PCDHA2: variants seen among roughly 807,000 people sequenced by gnomAD.
PCDHA2 encodes protocadherin alpha 2.
In PCDHA2, 58 loss-of-function variants were observed where a neutral mutation model predicts 66.0. The ratio of observed to expected loss-of-function variants is 0.88; its 90% CI spans 0.71 to 1.09. PCDHA2 has a LOEUF of 1.09. Ranked by LOEUF, PCDHA2 falls within the 50% of genes least tolerant of loss-of-function variation. PCDHA2 has a pLI of 0.00. For synonymous variants in PCDHA2, 634 were observed against 554.0 expected (o/e 1.14, Z -2.03); for missense variants, 1,267 against 1,242.3 (o/e 1.02, Z -0.30).
At chr5:140,915,626 G>GTCTCTCTCTCTCTC (rs57920489) in intron 1 of PCDHA2, among the ~76,000 whole-genome samples, 21 of 146,534 alleles carry the variant, frequency 1.4e-4, no homozygotes, top group African/African-American at 5.0e-4. Context: ...GTCTCTTTCT[G>GTCTCTCTCTCTCTC]TCTCTCTCTC....
At chr5:140,876,819 C>T in intron 1 of PCDHA2, 1 of 1,614,180 alleles carries the variant, frequency 6.2e-7, no homozygotes, top group Admixed American at 1.7e-5. Flanking sequence ...CCGACGTGAA[C>T]GACAATGCGC....
chr5:140,834,721 C>A (rs2150224932), intron 1 of PCDHA2: 1 of 1,614,220 alleles, frequency 6.2e-7, no homozygotes, highest in South Asian at 1.1e-5. Context: ...GTGGAAAGGC[C>A]GCTGCAGGTT....
rs375544937 is a variant in PCDHA2, at chr5:140,795,717, G to T, written c.753G>T (p.Leu251Phe). The T allele has an allele frequency of 3.7e-6, 6 of 1,613,984 alleles. No individual in the cohort carries two copies. The highest frequency in any genetic ancestry group is 5.1e-6 in the Non-Finnish European group (6 of 1,180,024). Residue 251 changes from leucine to phenylalanine, a missense_variant, in exon 1 of 4, where the codon TTG becomes TTT. Coordinates refer to ENST00000526136, the MANE Select transcript of PCDHA2 (RefSeq NM_018905.3). ...TFAQSVYKVKLLENTANGTLV... is the reference protein window; with the variant it reads ...TFAQSVYKVKFLENTANGTLV... ...CCCAATCAGTTTACAAAGTAAAATTGTTAGAGAATACGGCAAATGGGACCT... is the reference window on the plus strand; with the variant it reads ...CCCAATCAGTTTACAAAGTAAAATTTTTAGAGAATACGGCAAATGGGACCT...
In PCDHA2 at chr5:140,858,521, A is replaced by G. The variant is rs782589492; in HGVS notation, c.2388+61169A>G. On this transcript the variant is annotated intron_variant, in intron 1 of 3. Transcript: ENST00000526136. Reference sequence around the variant, plus strand: ...CATTTTCTCAAATATGTATCAGAATATTTCATTTTTGTCTACATTCCATTT... The same window carrying G: ...CATTTTCTCAAATATGTATCAGAATGTTTCATTTTTGTCTACATTCCATTT... 1.4e-6 allele frequency: 2 copies of G among 1,420,880 alleles called. 1 individual carries two copies. Among genetic ancestry groups the G allele is most frequent in the Non-Finnish European group, 1.9e-6 (2 of 1,028,816 alleles). 88.0% of individuals were successfully genotyped at this position (1,420,880 alleles called of 1,614,324 possible).
chr5:140,850,831 G>T, intron 1 of PCDHA2: 7 of 1,598,198 alleles, frequency 4.4e-6, no homozygotes, highest in Non-Finnish European at 6.0e-6. Flanking sequence ...CTTTCTCCTT[G>T]TGCTGGATCT....
intron 1 of PCDHA2, among the ~76,000 whole-genome samples, chr5:140,885,076 A>G (rs1032982957): frequency 1.3e-5 from 2 of 152,226 alleles, no homozygotes; most frequent in African/African-American, 4.8e-5. Context: ...ATTATTTTAA[A>G]GAGCCCCATA....
intron 1 of PCDHA2, among the ~76,000 whole-genome samples, chr5:140,917,523 G>A (rs1201312809): frequency 2.0e-5 from 3 of 152,182 alleles, no homozygotes; most frequent in Non-Finnish European, 4.4e-5. Context: ...TTATTCTACG[G>A]TTTGTATAGT....
At chr5:141,001,216 G>A (rs938133871) in intron 3 of PCDHA2, among the ~76,000 whole-genome samples, 3 of 152,082 alleles carry the variant, frequency 2.0e-5, no homozygotes, top group African/African-American at 7.2e-5. Context: ...GCTGTATAAG[G>A]ATAGTTACAT....
At chr5:140,972,990 G>A (rs185555684) in intron 1 of PCDHA2, among the ~76,000 whole-genome samples, 2 of 152,188 alleles carry the variant, frequency 1.3e-5, no homozygotes, top group African/African-American at 4.8e-5. Context: ...GGTAGATTCT[G>A]TGCATTTGTG....
At chr5:140,829,723 T>C in intron 1 of PCDHA2, 2 of 1,613,596 alleles carry the variant, frequency 1.2e-6, no homozygotes, top group Non-Finnish European at 1.7e-6. Flanking sequence ...GCGTGCCGCC[T>C]CTGGGCAGCA....
intron 1 of PCDHA2, among the ~76,000 whole-genome samples, chr5:140,831,520 C>CT (rs2150195630): frequency 0.01 from 1,282 of 122,330 alleles, 10 homozygotes; most frequent in East Asian, 0.043. Flanking sequence ...TGCCCCCCAC[C>CT]TTTTTTTTTT....
At chr5:140,830,269 A>G (rs2150183853) in intron 1 of PCDHA2, 5 of 1,613,514 alleles carry the variant, frequency 3.1e-6, no homozygotes, top group Admixed American at 1.7e-5. Flanking sequence ...GCTCGGCGCC[A>G]CCCACCGAGG....
At chr5:140,822,168 G>C (rs2150114255) in intron 1 of PCDHA2, 1 of 1,614,262 alleles carries the variant, frequency 6.2e-7, no homozygotes, top group South Asian at 1.1e-5. Context: ...ATCCGCCCAG[G>C]TTCTCCAGAC....
rs782776341 is a variant in PCDHA2 at position 140,884,056 on chromosome 5, G to A, written c.2388+86704G>A. On this transcript the variant is annotated intron_variant, in intron 1 of 3. Coordinates refer to ENST00000526136, the MANE Select transcript of PCDHA2 (RefSeq NM_018905.3). ...GCCACGTGGTGGCGAAGGTGCGCGC[G>A]GTGGACGCCGATTCGGGCTACAATG... 3.1e-6 allele frequency: 5 copies of A among 1,613,476 alleles called. No homozygotes were observed. In the South Asian group the frequency reaches 4.4e-5, roughly 14 times the overall value.
intron 1 of PCDHA2, chr5:140,841,679 G>C: frequency 6.2e-7 from 1 of 1,613,984 alleles, no homozygotes. Context: ...TTTCCATGTG[G>C]ACGTGGAGGT....
At chr5:140,865,963 C>A (rs182783301) in intron 1 of PCDHA2, 23 of 152,226 alleles carry the variant, frequency 1.5e-4, no homozygotes, top group Non-Finnish European at 3.1e-4. Flanking sequence ...TAATTTTGTA[C>A]AATGTGTGAT....
At chr5:140,856,441 G>C in intron 1 of PCDHA2, 1 of 1,598,410 alleles carries the variant, frequency 6.3e-7, no homozygotes. Flanking sequence ...ACCCGCCCAG[G>C]TTCTCCGTAA....
intron 1 of PCDHA2, among the ~76,000 whole-genome samples, chr5:140,893,393 C>T (rs1358613018): frequency 6.6e-6 from 1 of 152,144 alleles, no homozygotes; most frequent in Non-Finnish European, 1.5e-5. Context: ...TGGCTCATGC[C>T]TGTAATCCCA....
chr5:140,940,509 C>T lies in PCDHA2; in HGVS notation c.2389-38440C>T, dbSNP rs556405860. ...GACAAGTCTTGCTCCGTCGCTCAGG[C>T]GTGATCATAGCTCACTGCAATCTTG... On this transcript the variant is annotated intron_variant, in intron 1 of 3. Coordinates refer to ENST00000526136, the MANE Select transcript of PCDHA2 (RefSeq NM_018905.3). 2.0e-5 allele frequency among the ~76,000 whole-genome samples: 3 copies of T among 152,086 alleles called. No individual in the cohort carries two copies. In the South Asian group the frequency reaches 6.2e-4, roughly 32 times the overall value.
Sources: gnomAD v4.1 joint callset for allele counts (sites outside exome capture counted in the v4.1 genomes callset) on GRCh38, gnomAD v4.1.1 for gene constraint, MANE v1.5 for transcripts, NCBI Gene and HGNC (gene_info 2026-07-23, HGNC 2026-07-21) for gene names.